Variants in RASGEF1A observed in about 807,000 individuals in gnomAD.
The protein encoded by RASGEF1A is RasGEF domain family member 1A, also known as ras-GEF domain-containing family member 1A.
Under a neutral mutation model 56.4 loss-of-function variants are expected in RASGEF1A, and 18 were observed. The ratio of observed to expected loss-of-function variants is 0.32; its 90% confidence interval spans 0.22 to 0.47. RASGEF1A has a LOEUF of 0.47. RASGEF1A is among the 20% of genes least tolerant of loss of function. RASGEF1A has a pLI of 1.00. For missense variants in RASGEF1A, 422 were observed against 627.1 expected, an observed-to-expected ratio of 0.67 and a Z score of 3.49; for synonymous variants, 245 against 242.6, an observed-to-expected ratio of 1.01 and a Z score of -0.09.
chr10:43,203,741 A>C, intron 2 of RASGEF1A: 1 of 1,098,676 alleles, frequency 9.1e-7, no homozygotes, highest in Non-Finnish European at 1.1e-6. Context: ...GGACGTTGGT[A>C]GGGCTCCATG....
intron 1 of RASGEF1A, among the ~76,000 whole-genome samples, chr10:43,254,811 C>G (rs1373817369): frequency 3.3e-5 from 5 of 152,140 alleles, no homozygotes; most frequent in Non-Finnish European, 7.4e-5. Context: ...CCAGAATAAT[C>G]CCTGACTAAA....
intron 1 of RASGEF1A, among the ~76,000 whole-genome samples, chr10:43,250,349 G>A (rs935727390): frequency 1.3e-5 from 2 of 152,330 alleles, no homozygotes; most frequent in African/African-American, 2.4e-5. Flanking sequence ...GTCGGGGGAC[G>A]CAGAGACCAC....
intron 1 of RASGEF1A, among the ~76,000 whole-genome samples, chr10:43,261,458 A>G (rs1836527856): frequency 6.6e-6 from 1 of 152,192 alleles, no homozygotes; most frequent in Non-Finnish European, 1.5e-5. Flanking sequence ...ACCAATGCTC[A>G]CCTGGCCTGG....
chr10:43,234,031 C>CG (rs1164968395), intron 1 of RASGEF1A, among the ~76,000 whole-genome samples: 10 of 151,850 alleles, frequency 6.6e-5, no homozygotes, highest in South Asian at 4.2e-4. Flanking sequence ...AGCTCAGGGC[C>CG]GGGGAGGGCA....
chr10:43,197,711 G>A (rs975826083), intron 10 of RASGEF1A, among the ~76,000 whole-genome samples: 4 of 152,180 alleles, frequency 2.6e-5, no homozygotes, highest in African/African-American at 9.7e-5. Context: ...GGGTGGACAG[G>A]GCTCTCTCCC....
chr10:43,228,934 G>C (rs1588942400), intron 1 of RASGEF1A, among the ~76,000 whole-genome samples: 2 of 152,248 alleles, frequency 1.3e-5, no homozygotes, highest in East Asian at 3.8e-4. Flanking sequence ...GGGCTGGCCG[G>C]GGCTCAGCTC....
intron 1 of RASGEF1A, chr10:43,229,525 C>A (rs961778101): frequency 2.3e-6 from 2 of 885,336 alleles, no homozygotes; most frequent in Non-Finnish European, 3.3e-6. Context: ...GTCCTCAGGG[C>A]GGGCACCCTC....
intron 1 of RASGEF1A, among the ~76,000 whole-genome samples, chr10:43,242,095 G>A (rs1021434326): frequency 2.6e-5 from 4 of 152,104 alleles, no homozygotes; most frequent in Non-Finnish European, 2.9e-5. Flanking sequence ...CCAAGACTGC[G>A]CCACTGCACT....
At chr10:43,239,368 G>A (rs1182362155) in intron 1 of RASGEF1A, among the ~76,000 whole-genome samples, 1 of 152,184 alleles carries the variant, frequency 6.6e-6, no homozygotes, top group Non-Finnish European at 1.5e-5. Flanking sequence ...TTTCAATAGA[G>A]TATAGCCAGG....
chr10:43,261,845 C>T (rs1836534150), intron 1 of RASGEF1A, among the ~76,000 whole-genome samples: 1 of 152,212 alleles, frequency 6.6e-6, no homozygotes, highest in African/African-American at 2.4e-5. Context: ...GCTCAGAGCA[C>T]CGGCCAGAAA....
chr10:43,203,598 C>T, intron 2 of RASGEF1A, 178 bp from the exon 3 acceptor site: 2 of 1,248,186 alleles, frequency 1.6e-6, no homozygotes, highest in Non-Finnish European at 2.1e-6. Flanking sequence ...TACTGCTACC[C>T]CGGCCCTGCC....
At position 43,196,654 on chromosome 10, in the gene RASGEF1A, T is replaced by C; in HGVS notation, c.1349-106A>G. ...CCCAGCACAAGGGGACAGTGACCTC[T>C]GGCTGGGCTGAACACAGTTCTCTGC... is the stretch of plus-strand genomic sequence containing the variant. On this transcript the variant is annotated intron_variant, in intron 11 of 12. Transcript: ENST00000395810. This position sits in a 1 kb window ranked among gnomAD's most constrained non-coding sequence, Gnocchi z 4.6. The C allele has an allele frequency of 1.8e-6, 2 of 1,081,358 alleles. No individual in the cohort carries two copies. The highest frequency in any genetic ancestry group is 2.8e-6 in the Non-Finnish European group (2 of 712,528). The allele number at this position is 1,081,358 out of a possible 1,614,324, so 67.0% of individuals were successfully genotyped here.
chr10:43,240,929 C>T (rs182928077), intron 1 of RASGEF1A, among the ~76,000 whole-genome samples: 173 of 152,278 alleles, frequency 1.1e-3, no homozygotes, highest in Non-Finnish European at 1.8e-3. Context: ...TGAGCTGACA[C>T]GTTCAAAATA....
chr10:43,258,825 C>T (rs1473308860), intron 1 of RASGEF1A, among the ~76,000 whole-genome samples: 1 of 152,250 alleles, frequency 6.6e-6, no homozygotes, highest in Non-Finnish European at 1.5e-5. Context: ...GCCCTCCTGG[C>T]AAGCTGGAAG....
At chr10:43,227,973 C>T (rs998404299) in intron 1 of RASGEF1A, among the ~76,000 whole-genome samples, 3 of 152,080 alleles carry the variant, frequency 2.0e-5, no homozygotes, top group Non-Finnish European at 2.9e-5. Context: ...CATCTGTCCC[C>T]GGACCACTGG....
chr10:43,233,313 T>C (rs1488185181), intron 1 of RASGEF1A, among the ~76,000 whole-genome samples: 3 of 152,052 alleles, frequency 2.0e-5, no homozygotes, highest in African/African-American at 7.3e-5. Flanking sequence ...CGTGTGTGTG[T>C]GCGTGTGTGT....
intron 1 of RASGEF1A, among the ~76,000 whole-genome samples, chr10:43,212,800 C>A (rs1286677072): frequency 6.6e-6 from 1 of 152,226 alleles, no homozygotes; most frequent in Non-Finnish European, 1.5e-5. Context: ...AGGGGAGAGG[C>A]ACTTTTAGGG....
intron 1 of RASGEF1A, among the ~76,000 whole-genome samples, chr10:43,219,902 G>A (rs1054444198): frequency 2.0e-5 from 3 of 152,200 alleles, no homozygotes; most frequent in African/African-American, 7.2e-5. Context: ...TTGTCCTCCT[G>A]GCAGATGGCT....
At chr10:43,263,805 G>T (rs1419268810) in intron 1 of RASGEF1A, among the ~76,000 whole-genome samples, 2 of 152,190 alleles carry the variant, frequency 1.3e-5, no homozygotes, top group East Asian at 3.9e-4. Context: ...TTCCTGGGAG[G>T]TGCTGCAGCA....
Sources: gnomAD v4.1 joint callset for allele counts (sites outside exome capture counted in the v4.1 genomes callset) on GRCh38, gnomAD v4.1.1 for gene constraint, Gnocchi (gnomAD v3.1) non-coding constraint, MANE v1.5 for transcripts, NCBI Gene and HGNC (gene_info 2026-07-23, HGNC 2026-07-21) for gene names.